Variants in TSGA10 observed in about 807,000 individuals in gnomAD.
TSGA10 encodes testis-specific gene 10 protein.
Under a neutral mutation model 96.6 loss-of-function variants are expected in TSGA10, and 43 were observed. The observed-to-expected ratio is 0.44, with a 90% CI of 0.35 to 0.57. The LOEUF is 0.57. Among genes scored for constraint, TSGA10 ranks in the 20% least tolerant of loss-of-function variants. TSGA10 has a pLI of 0.01. For synonymous variants in TSGA10, 229 were observed against 269.9 expected, an observed-to-expected ratio of 0.85 and a Z score of 1.48; for missense variants, 703 against 834.4, an observed-to-expected ratio of 0.84 and a Z score of 1.94.
chr2:99,009,322 G>A (rs1455506966), intron 20 of TSGA10, among the ~76,000 whole-genome samples: 2 of 151,978 alleles, frequency 1.3e-5, no homozygotes, highest in African/African-American at 2.4e-5. Context: ...AGGAAGAACT[G>A]CAAACAGATT....
In TSGA10 at chr2:99,062,030, T is replaced by A. The variant is rs183619751; in HGVS notation, c.1404+2909A>T. On this transcript the variant is annotated intron_variant, in intron 16 of 20. Transcript: ENST00000393483. ...CCTTCCGGCACTGTGATCTTAGATT[T>A]CCAGTCTCCAGAACTGTGAGAAAAT... Among the ~76,000 whole-genome samples, 295 of 152,260 alleles carry A rather than the reference T, an allele frequency of 1.9e-3. 5 individuals carry two copies. Among genetic ancestry groups the A allele is most frequent in the Non-Finnish European group, 4.1e-4 (28 of 68,022 alleles).
chr2:99,065,210 C>T, intron 15 of TSGA10, 86 bp from the exon 16 acceptor site: 1 of 1,447,364 alleles, frequency 6.9e-7, no homozygotes, highest in Non-Finnish European at 9.4e-7. Context: ...TGGGAATTCA[C>T]TTGCCATGAG....
chr2:99,105,521 T>G lies in TSGA10; in HGVS notation c.381+6A>C. 7 of 1,613,760 alleles carry G rather than the reference T, an allele frequency of 4.3e-6. No homozygotes were observed. Among genetic ancestry groups the G allele is most frequent in the Non-Finnish European group, 5.9e-6 (7 of 1,179,738 alleles). ...ATATATTCACGTAAATAAAATCCTT[T>G]CCAACCTTTAGCCTCTCCCTTAGAC... On this transcript the variant is annotated splice_donor_region_variant and intron_variant, in intron 8 of 20. Transcript: ENST00000393483.
intron 16 of TSGA10, among the ~76,000 whole-genome samples, chr2:99,041,805 C>A (rs971025157): frequency 6.6e-6 from 1 of 152,062 alleles, no homozygotes; most frequent in African/African-American, 2.4e-5. Context: ...GCAAATGCAA[C>A]ACAAAGATAA....
At chr2:99,014,956 T>G (rs1328641940) in intron 20 of TSGA10, among the ~76,000 whole-genome samples, 1 of 152,122 alleles carries the variant, frequency 6.6e-6, no homozygotes, top group East Asian at 1.9e-4. Context: ...ATAGAAACTC[T>G]GAACAGACCA....
At chr2:99,045,727 A>G (rs2082699089) in intron 16 of TSGA10, among the ~76,000 whole-genome samples, 1 of 152,222 alleles carries the variant, frequency 6.6e-6, no homozygotes, top group Non-Finnish European at 1.5e-5. Flanking sequence ...AAATTCACAC[A>G]TGACAATATT....
chr2:99,009,835 T>A (rs973872758), intron 20 of TSGA10, among the ~76,000 whole-genome samples: 1 of 152,012 alleles, frequency 6.6e-6, no homozygotes, highest in East Asian at 1.9e-4. Flanking sequence ...CCTCTGTGAG[T>A]GTGTGTGCAA....
chr2:99,101,373 G>A, intron 10 of TSGA10, among the ~76,000 whole-genome samples: 1 of 150,814 alleles, frequency 6.6e-6, no homozygotes, highest in South Asian at 2.1e-4. Flanking sequence ...TTGCTATGTT[G>A]CCTAGGCTTA....
At chr2:99,022,260 G>A (rs1165758492) in intron 17 of TSGA10, among the ~76,000 whole-genome samples, 1 of 145,832 alleles carries the variant, frequency 6.9e-6, no homozygotes, top group Non-Finnish European at 1.5e-5. Flanking sequence ...CAGAAGTTGA[G>A]GATACAGTGA....
intron 20 of TSGA10, among the ~76,000 whole-genome samples, chr2:99,007,980 CA>C (rs1427878038): frequency 2.0e-5 from 3 of 152,158 alleles, no homozygotes; most frequent in African/African-American, 7.2e-5. Flanking sequence ...TCTTTTAAAT[CA>C]ATGATCTTGC....
chr2:99,000,372 A>G (rs2077786100), intron 20 of TSGA10, among the ~76,000 whole-genome samples: 1 of 151,236 alleles, frequency 6.6e-6, no homozygotes, highest in African/African-American at 2.4e-5. Context: ...AGCTGGATGT[A>G]GTGATGGACA....
intron 1 of TSGA10, among the ~76,000 whole-genome samples, chr2:99,138,968 AG>A (rs1300228170): frequency 6.6e-6 from 1 of 152,212 alleles, no homozygotes; most frequent in Non-Finnish European, 1.5e-5. Flanking sequence ...GACAAAAGCA[AG>A]GACAGGTGAA....
intron 17 of TSGA10, among the ~76,000 whole-genome samples, chr2:99,034,566 C>T (rs1435471895): frequency 6.6e-6 from 1 of 152,094 alleles, no homozygotes; most frequent in Non-Finnish European, 1.5e-5. Flanking sequence ...CTACACTAGC[C>T]ATTACAAAGT....
chr2:99,000,019 G>A (rs1423777041), intron 20 of TSGA10, among the ~76,000 whole-genome samples: 2 of 152,158 alleles, frequency 1.3e-5, no homozygotes, highest in Non-Finnish European at 2.9e-5. Context: ...GTCTCCCAAA[G>A]TGCTAGGATT....
intron 10 of TSGA10, among the ~76,000 whole-genome samples, chr2:99,085,298 C>T (rs1433275871): frequency 2.7e-5 from 4 of 150,840 alleles, no homozygotes; most frequent in Non-Finnish European, 5.9e-5. Context: ...AGTAATTAGC[C>T]CAAAAAAATT....
chr2:99,018,651 GAAGAT>G lies in TSGA10; in HGVS notation c.1818-16_1818-12del. On this transcript the variant is annotated splice_polypyrimidine_tract_variant and intron_variant, in intron 18 of 20. Transcript: ENST00000393483. The stretch of plus-strand genomic sequence containing the variant: ...CTACTCTGGATGGCCCTGTTTAAAA[GAAGAT>G]AAGAGTTATAGTTGACTAAACTTAA... 2 of 1,602,470 alleles carry G rather than the reference GAAGAT, an allele frequency of 1.2e-6. No homozygotes were observed. The highest frequency in any genetic ancestry group is 1.7e-6 in the Non-Finnish European group (2 of 1,175,112).
chr2:99,017,764 CAAAA>C (rs1252515584), intron 20 of TSGA10, among the ~76,000 whole-genome samples: 1 of 66,436 alleles, frequency 1.5e-5, no homozygotes. Context: ...GACTCCGTCT[CAAAA>C]AAAAAAAAAA....
At chr2:99,095,502 T>C (rs1258222274) in intron 10 of TSGA10, among the ~76,000 whole-genome samples, 2 of 152,110 alleles carry the variant, frequency 1.3e-5, no homozygotes, top group East Asian at 1.9e-4. Flanking sequence ...AAAAATTCTA[T>C]TGAAACAAGC....
chr2:99,111,481 T>C lies in TSGA10; in HGVS notation c.-139-566A>G, dbSNP rs867041283. Among the ~76,000 whole-genome samples the C allele has an allele frequency of 1.3e-4, 20 of 152,186 alleles. 1 individual carries two copies. Among genetic ancestry groups the C allele is most frequent in the African/African-American group, 4.3e-4 (18 of 41,472 alleles). On this transcript the variant is annotated intron_variant, in intron 4 of 20. Transcript: ENST00000393483. ...GCAAAGCAGTAAAGTTCTTTGCTAA[T>C]AGCATATTCACTTAATGTATTTTGC... is the stretch of plus-strand genomic sequence containing the variant.
Sources: allele counts gnomAD v4.1 joint callset (sites outside exome capture counted in the v4.1 genomes callset), GRCh38; gene constraint gnomAD v4.1.1; transcripts MANE v1.5; gene names NCBI Gene and HGNC (gene_info 2026-07-23, HGNC 2026-07-21).